MMP20: variants seen among roughly 807,000 people sequenced by gnomAD.
The protein encoded by MMP20 is matrix metallopeptidase 20, also known as matrix metalloproteinase-20.
A neutral mutation model predicts 51.8 loss-of-function variants in MMP20; 50 were observed. That is an observed-to-expected ratio of 0.97 (90% confidence interval 0.77 to 1.22). The LOEUF is 1.22. MMP20 is among the 50% of genes most tolerant of loss of function. The probability of loss-of-function intolerance (pLI) is 0.00; values close to 1 mark genes in which losing one functional copy is unlikely to be tolerated. For synonymous variants in MMP20, 244 were observed against 216.2 expected, an observed-to-expected ratio of 1.13 and a Z score of -1.13; for missense variants, 663 against 601.4, an observed-to-expected ratio of 1.10 and a Z score of -1.07.
chr11:102,584,573 TTGTCTTTTTACTTTGTTGA>T (rs754866289), intron 8 of MMP20, among the ~76,000 whole-genome samples: 1 of 152,176 alleles, frequency 6.6e-6, no homozygotes, highest in Non-Finnish European at 1.5e-5. Flanking sequence ...ATTCCCTGGG[TTGTCTTTTTACTTTGTTGA>T]TAGTGTACTG....
intron 2 of MMP20, among the ~76,000 whole-genome samples, chr11:102,615,310 TTAATG>T (rs1481510763): frequency 1.3e-5 from 2 of 148,996 alleles, no homozygotes; most frequent in Admixed American, 6.7e-5. Context: ...TTTAATTTAT[TTAATG>T]TAATGTAATA....
intron 2 of MMP20, among the ~76,000 whole-genome samples, 171 bp from the exon 3 acceptor site, chr11:102,612,074 C>A (rs971664063): frequency 6.6e-6 from 1 of 152,144 alleles, no homozygotes; most frequent in South Asian, 2.1e-4. Flanking sequence ...TATGAAACAA[C>A]AAGACAAATG....
chr11:102,587,999 T>C (rs1016113521), intron 8 of MMP20, among the ~76,000 whole-genome samples: 1 of 152,138 alleles, frequency 6.6e-6, no homozygotes, highest in African/African-American at 2.4e-5. Flanking sequence ...GTTTTCTGTA[T>C]AACTCATGTC....
chr11:102,597,207 G>T (rs1432005171), intron 6 of MMP20, among the ~76,000 whole-genome samples: 1 of 152,186 alleles, frequency 6.6e-6, no homozygotes, highest in Admixed American at 6.5e-5. Context: ...TCTAAAGCCA[G>T]ATGCATTTTC....
At chr11:102,600,198 T>C (rs941476125) in intron 6 of MMP20, among the ~76,000 whole-genome samples, 1 of 152,176 alleles carries the variant, frequency 6.6e-6, no homozygotes, top group Non-Finnish European at 1.5e-5. Flanking sequence ...GGAGGAAGAC[T>C]TCCTCCTGTT....
chr11:102,617,004 A>G lies in MMP20; in HGVS notation c.182T>C (p.Val61Ala). 1.2e-6 allele frequency: 2 copies of G among 1,614,120 alleles called. No homozygotes were observed. The highest frequency in any genetic ancestry group is 1.7e-6 in the Non-Finnish European group (2 of 1,180,006). Residue 61 changes from valine to alanine, a missense_variant, in exon 2 of 10, where the codon GTT becomes GCT. Transcript: ENST00000260228. ...NKEGHQIGEM[V>A]ARGSNSMIRK... ...TATCATGGAATTGCTTCCTCTTGCA[A>G]CCATCTCACCAATCTGGTGTCCTTC...
intron 1 of MMP20, 30 bp downstream of exon 1, chr11:102,625,164 C>A: frequency 6.2e-7 from 1 of 1,612,744 alleles, no homozygotes; most frequent in Non-Finnish European, 8.5e-7. Context: ...GGCAGAGGAG[C>A]AAGAAGGAAT....
rs781377746 is a variant in MMP20 at position 102,609,058 on chromosome 11, A to G, written c.690T>C (p.His230=). ...LFTVAAHEFG[H]ALGLAHSTDP... ...CTGTGGAATGGGCCAGGCCCAGGGC[A>G]TGGCCAAATTCATGAGCAGCAACGG... The change falls in exon 5 of 10, where the codon CAT becomes CAC. Residue 230 remains histidine, a synonymous_variant. Transcript: ENST00000260228. 8.3e-6 allele frequency: 13 copies of G among 1,558,388 alleles called. No homozygotes were observed. Among genetic ancestry groups the G allele is most frequent in the South Asian group, 1.1e-5 (1 of 89,948 alleles).
chr11:102,594,414 G>A (rs1859354514), intron 7 of MMP20, among the ~76,000 whole-genome samples: 1 of 152,210 alleles, frequency 6.6e-6, no homozygotes, highest in Non-Finnish European at 1.5e-5. Flanking sequence ...TAACAGGCTT[G>A]GTTCTCAGGG....
intron 6 of MMP20, among the ~76,000 whole-genome samples, chr11:102,600,239 T>C (rs1859429948): frequency 6.6e-6 from 1 of 152,162 alleles, no homozygotes; most frequent in Non-Finnish European, 1.5e-5. Flanking sequence ...GCCCATGGCA[T>C]CCTGGGAATT....
chr11:102,586,639 C>G (rs767228964), intron 8 of MMP20, among the ~76,000 whole-genome samples: 7 of 151,856 alleles, frequency 4.6e-5, no homozygotes, highest in Admixed American at 1.3e-4. Flanking sequence ...CGGTGAAACC[C>G]CATCTCTACT....
At chr11:102,601,125 C>CTTTT (rs1168517234) in intron 6 of MMP20, among the ~76,000 whole-genome samples, 1,236 of 28,258 alleles carry the variant, frequency 0.044, 424 homozygotes, top group East Asian at 0.081. Context: ...GTCGGCTATT[C>CTTTT]TTTTTTTTTT....
Position 102,622,935 on chromosome 11 carries a change from A to G in MMP20, c.126+2259T>C, listed in dbSNP as rs140977940. 6.8e-3 allele frequency among the ~76,000 whole-genome samples: 1,032 copies of G among 152,210 alleles called. 17 individuals are homozygous for G. The highest frequency in any genetic ancestry group is 0.024 in the African/African-American group (983 of 41,502). On this transcript the variant is annotated intron_variant, in intron 1 of 9. Coordinates refer to ENST00000260228, the MANE Select transcript of MMP20 (RefSeq NM_004771.4). The stretch of plus-strand genomic sequence containing the variant: ...TAAATAATTGTTTCCTGTCATTGTG[A>G]TCCTCATTAGAGGTTCAGCCAGATC...
At chr11:102,586,219 G>A (rs570112340) in intron 8 of MMP20, among the ~76,000 whole-genome samples, 6 of 152,242 alleles carry the variant, frequency 3.9e-5, no homozygotes, top group African/African-American at 1.4e-4. Context: ...TAAAAAAATT[G>A]ACATTAATTC....
At chr11:102,622,138 A>T (rs1169034047) in intron 1 of MMP20, among the ~76,000 whole-genome samples, 1 of 152,248 alleles carries the variant, frequency 6.6e-6, no homozygotes, top group Non-Finnish European at 1.5e-5. Flanking sequence ...AGTGGACATT[A>T]AATAAATCAA....
At chr11:102,593,859 CA>C (rs1308292123) in intron 7 of MMP20, among the ~76,000 whole-genome samples, 1 of 152,222 alleles carries the variant, frequency 6.6e-6, no homozygotes, top group Non-Finnish European at 1.5e-5. Flanking sequence ...CTATGTCTTT[CA>C]AGATATCCTT....
In MMP20 at chr11:102,594,826, A is replaced by C. The variant is rs1591613035; in HGVS notation, c.954-69T>G. The C allele has an allele frequency of 6.4e-6, 10 of 1,567,166 alleles. No homozygotes were observed. The Middle Eastern group carries it at 8.5e-4, about 133-fold the overall frequency. ...ATGATTGATTTACATATAAAATTGC[A>C]CTTTGACTGAAATGTACTCAGAGGC... On this transcript the variant is annotated intron_variant, in intron 6 of 9. Coordinates refer to ENST00000260228, the MANE Select transcript of MMP20 (RefSeq NM_004771.4).
intron 3 of MMP20, 144 bp from the exon 4 acceptor site, chr11:102,610,174 C>T (rs1859579364): frequency 2.1e-6 from 2 of 953,244 alleles, no homozygotes; most frequent in Admixed American, 2.0e-5. Context: ...ATGGGAAGTT[C>T]ATTTGTCAAT....
At chr11:102,606,739 C>T in intron 5 of MMP20, 63 bp from the exon 6 acceptor site, 1 of 1,587,796 alleles carries the variant, frequency 6.3e-7, no homozygotes. Flanking sequence ...CACTTCTGCT[C>T]TAGAGCCCCA....
Sources: gnomAD v4.1 joint callset for allele counts (sites outside exome capture counted in the v4.1 genomes callset) on GRCh38, gnomAD v4.1.1 for gene constraint, MANE v1.5 for transcripts, NCBI Gene and HGNC (gene_info 2026-07-23, HGNC 2026-07-21) for gene names.